PCDHA4: variants seen among roughly 807,000 people sequenced by gnomAD.
PCDHA4 encodes protocadherin alpha-4.
PCDHA4 carries 49 observed loss-of-function variants against 61.4 expected under a neutral mutation model. The ratio of observed to expected loss-of-function variants is 0.80; its 90% CI spans 0.63 to 1.01. The LOEUF (loss-of-function observed/expected upper bound fraction) is 1.01. Ranked by LOEUF, PCDHA4 falls within the 50% of genes least tolerant of loss-of-function variation. The probability of loss-of-function intolerance (pLI) is 0.00; values close to 1 mark genes in which losing one functional copy is unlikely to be tolerated. For missense variants in PCDHA4, 1,254 were observed against 1,235.8 expected (o/e 1.01, Z -0.22); for synonymous variants, 590 against 550.3 (o/e 1.07, Z -1.01).
intron 1 of PCDHA4, chr5:140,868,533 C>T (rs1265642890): frequency 6.6e-6 from 1 of 152,534 alleles, no homozygotes; most frequent in African/African-American, 2.4e-5. Context: ...GAAAGTAAAA[C>T]AATTCAAATT....
At chr5:140,870,052 A>G (rs782520778) in intron 1 of PCDHA4, 7 of 1,613,830 alleles carry the variant, frequency 4.3e-6, no homozygotes, top group Non-Finnish European at 5.1e-6. Flanking sequence ...GTTTTATAAA[A>G]TTGAAGTACA....
intron 3 of PCDHA4, among the ~76,000 whole-genome samples, chr5:141,001,941 A>G (rs565358428): frequency 6.6e-6 from 1 of 151,874 alleles, no homozygotes; most frequent in Admixed American, 6.5e-5. Context: ...GTGAGCGGAA[A>G]TAAGGAGGAG....
At chr5:140,879,864 T>C (rs2058152773) in intron 1 of PCDHA4, among the ~76,000 whole-genome samples, 1 of 152,226 alleles carries the variant, frequency 6.6e-6, no homozygotes, top group Admixed American at 6.5e-5. Flanking sequence ...CCTTCTCAGC[T>C]TTCATGGTCA....
At chr5:140,865,534 A>G (rs2048907246) in intron 1 of PCDHA4, 1 of 152,224 alleles carries the variant, frequency 6.6e-6, no homozygotes, top group South Asian at 2.1e-4. Flanking sequence ...CTCTTCATCC[A>G]TAGCTATAGG....
At chr5:140,838,076 T>G (rs13170073) in intron 1 of PCDHA4, among the ~76,000 whole-genome samples, 582 of 31,102 alleles carry the variant, frequency 0.019, 3 homozygotes, top group Middle Eastern at 0.08. Flanking sequence ...TATATATATA[T>G]AGTGTGTGTG....
intron 1 of PCDHA4, chr5:140,812,217 A>AT (rs1435188779): frequency 6.6e-6 from 1 of 151,494 alleles, no homozygotes; most frequent in Non-Finnish European, 1.5e-5. Context: ...CTTTGTTTAG[A>AT]TTTTTTATGA....
intron 3 of PCDHA4, among the ~76,000 whole-genome samples, chr5:141,005,688 C>T (rs1411519222): frequency 2.8e-5 from 3 of 107,694 alleles, no homozygotes; most frequent in African/African-American, 7.9e-5. Context: ...GGCGACAGAG[C>T]GAAACTCCGT....
chr5:140,938,765 AC>A (rs1309568560), intron 1 of PCDHA4, among the ~76,000 whole-genome samples: 1 of 152,182 alleles, frequency 6.6e-6, no homozygotes, highest in Non-Finnish European at 1.5e-5. Context: ...GTTATTGGGT[AC>A]TAGACTTAGT....
At chr5:140,819,582 A>T (rs2150104654) in intron 1 of PCDHA4, among the ~76,000 whole-genome samples, 4 of 152,166 alleles carry the variant, frequency 2.6e-5, no homozygotes, top group Non-Finnish European at 5.9e-5. Context: ...AAGATTTTTT[A>T]AAATGTTCTT....
intron 1 of PCDHA4, chr5:140,862,721 C>T (rs1019011354): frequency 3.5e-6 from 2 of 566,878 alleles, no homozygotes; most frequent in Admixed American, 3.8e-5. Context: ...GGCGAGTGCG[C>T]GCTGTCTAGC....
At chr5:140,884,354 G>A (rs2060118274) in intron 1 of PCDHA4, 1 of 1,613,952 alleles carries the variant, frequency 6.2e-7, no homozygotes, top group African/African-American at 1.3e-5. Context: ...GCTGGTGGAT[G>A]TCAATGTTTA....
At chr5:140,960,455 T>A (rs1585839337) in intron 1 of PCDHA4, among the ~76,000 whole-genome samples, 3 of 152,274 alleles carry the variant, frequency 2.0e-5, no homozygotes, top group African/African-American at 7.2e-5. Flanking sequence ...ATGGATAATT[T>A]TGAGAAGTAA....
At chr5:140,884,422 T>C (rs1470374467) in intron 1 of PCDHA4, 15 of 1,613,860 alleles carry the variant, frequency 9.3e-6, no homozygotes, top group Middle Eastern at 1.6e-4. Context: ...TGCTGCTGTA[T>C]ACTGCGCTGC....
At position 141,011,769 on chromosome 5, in the gene PCDHA4, A is replaced by C. The variant is rs2098421803; in HGVS notation, c.*1832A>C. 1 of 153,794 alleles carries C rather than the reference A, an allele frequency of 6.5e-6. No homozygotes were observed. The highest frequency in any genetic ancestry group is 1.5e-5 in the Non-Finnish European group (1 of 68,040). 9.5% of individuals were successfully genotyped at this position (153,794 alleles called of 1,614,324 possible). On this transcript the variant is annotated 3_prime_UTR_variant, in exon 4 of 4. Coordinates refer to ENST00000530339, the MANE Select transcript of PCDHA4 (RefSeq NM_018907.4). ...AATCTGACCTCTTTGAAGTTGCAGA[A>C]TGCTTTGAAATTCTAATGGTATCTG... is the stretch of plus-strand genomic sequence containing the variant.
intron 1 of PCDHA4, chr5:140,813,683 A>C (rs1231151598): frequency 6.6e-6 from 1 of 152,204 alleles, no homozygotes; most frequent in African/African-American, 2.4e-5. Context: ...TTTAGGCTAC[A>C]CTCAATTTAT....
At chr5:140,891,801 C>T (rs2063255606) in intron 1 of PCDHA4, among the ~76,000 whole-genome samples, 1 of 152,056 alleles carries the variant, frequency 6.6e-6, no homozygotes, top group Non-Finnish European at 1.5e-5. Context: ...AGGGATCTGC[C>T]CTCATGAATA....
At chr5:141,001,997 C>G (rs2098052259) in intron 3 of PCDHA4, among the ~76,000 whole-genome samples, 1 of 152,190 alleles carries the variant, frequency 6.6e-6, no homozygotes, top group Admixed American at 6.5e-5. Context: ...AGTTCACTTG[C>G]AAACACAGAA....
At position 140,929,057 on chromosome 5, in the gene PCDHA4, C is replaced by G. The variant is rs17844370; in HGVS notation, c.2386-49892C>G. The stretch of plus-strand genomic sequence containing the variant: ...TGCGCTCAGAGCTGCTGTCGCTCTA[C>G]AGAGGATCTGAGGTATGGAAGTAAG... On this transcript the variant is annotated intron_variant, in intron 1 of 3. Coordinates refer to ENST00000530339, the MANE Select transcript of PCDHA4 (RefSeq NM_018907.4). 3 of 1,614,070 alleles carry G rather than the reference C, an allele frequency of 1.9e-6. No individual in the cohort carries two copies. The African/African-American group carries it at 4.0e-5, about 22-fold the overall frequency.
intron 1 of PCDHA4, among the ~76,000 whole-genome samples, chr5:140,921,878 A>C (rs2153562324): frequency 6.6e-6 from 1 of 152,204 alleles, no homozygotes; most frequent in South Asian, 2.1e-4. Context: ...TATATATATA[A>C]GATTTTAGAA....
Sources: gnomAD v4.1 joint callset for allele counts (sites outside exome capture counted in the v4.1 genomes callset) on GRCh38, gnomAD v4.1.1 for gene constraint, MANE v1.5 for transcripts, NCBI Gene and HGNC (gene_info 2026-07-23, HGNC 2026-07-21) for gene names.